CFAP91: variants seen among roughly 807,000 people sequenced by gnomAD.
CFAP91 encodes cilia and flagella associated protein 91.
Under a neutral mutation model 95.9 loss-of-function variants are expected in CFAP91, and 85 were observed. The observed-to-expected ratio is 0.89, with a 90% CI of 0.74 to 1.06. The LOEUF is 1.06. Ranked by LOEUF, CFAP91 falls within the 50% of genes least tolerant of loss-of-function variation. The pLI is 0.00. For missense variants in CFAP91, 962 were observed against 943.4 expected (o/e 1.02, Z -0.26); for synonymous variants, 335 against 327.5 (o/e 1.02, Z -0.25).
At chr3:119,722,076 T>G (rs564615626) in intron 6 of CFAP91, among the ~76,000 whole-genome samples, 19 of 151,104 alleles carry the variant, frequency 1.3e-4, no homozygotes, top group African/African-American at 4.6e-4. Context: ...AAGAAGCTGA[T>G]GCAGGATTGC....
At chr3:119,756,633 T>A (rs2054435908) in intron 17 of CFAP91, among the ~76,000 whole-genome samples, 1 of 152,146 alleles carries the variant, frequency 6.6e-6, no homozygotes, top group Non-Finnish European at 1.5e-5. Flanking sequence ...TGGATTAAAT[T>A]TTTCTAAGGC....
intron 7 of CFAP91, among the ~76,000 whole-genome samples, chr3:119,727,421 G>A (rs966025490): frequency 1.1e-4 from 17 of 152,122 alleles, no homozygotes; most frequent in African/African-American, 2.9e-4. Flanking sequence ...TTTTCAAAAG[G>A]CATTAAAACT....
chr3:119,751,002 A>G lies in CFAP91; in HGVS notation c.2209A>G (p.Met737Val), dbSNP rs142718101. ...GATCATCCACAGTTACACGGAAAGC[A>G]TGGTTCAAAAGAAATTAACTGAGGG... ...HQIIHSYTES[M>V]VQKKLTEGEQ... is the part of the protein sequence containing the mutation. The change falls in exon 17 of 18, where the codon ATG (methionine) becomes GTG (valine). Residue 737 changes from methionine (M) to valine (V), a missense_variant. Coordinates refer to ENST00000273390, the MANE Select transcript of CFAP91 (RefSeq NM_033364.4). The G allele has an allele frequency of 2.4e-5, 39 of 1,614,014 alleles. No homozygotes were observed. In the African/African-American group the frequency reaches 3.9e-4, roughly 16 times the overall value.
rs76789654 is a variant in CFAP91, at chr3:119,720,761, A to G, written c.682+5018A>G. Among the ~76,000 whole-genome samples, 1,123 of 152,310 alleles carry G rather than the reference A, an allele frequency of 7.4e-3. 7 individuals carry two copies. The highest frequency in any genetic ancestry group is 0.012 in the Non-Finnish European group (850 of 68,030). ...ATTGATTTTAGGACCCTCCAACCCT[A>G]CCAAGATTTTTGGATGCGCAAGTCT... On this transcript the variant is annotated intron_variant, in intron 6 of 17. Transcript: ENST00000273390.
chr3:119,728,395 A>G (rs1308646955), intron 7 of CFAP91, among the ~76,000 whole-genome samples: 1 of 152,204 alleles, frequency 6.6e-6, no homozygotes, highest in African/African-American at 2.4e-5. Flanking sequence ...CCTCCAGATT[A>G]TGCTGCACTC....
In CFAP91 at chr3:119,732,165, G is replaced by A. The variant is rs991191592; in HGVS notation, c.1019-129G>A. The A allele has an allele frequency of 4.2e-5, 28 of 674,122 alleles. 1 individual carries two copies. The highest frequency in any genetic ancestry group is 1.7e-4 in the East Asian group (6 of 34,510). 41.8% of individuals were successfully genotyped at this position (674,122 alleles called of 1,614,324 possible). The stretch of plus-strand genomic sequence containing the variant: ...TTTTTAATGTTACATTCTGGCTGTC[G>A]TGAGTCATCAGGAAATTCATTCATT... On this transcript the variant is annotated intron_variant, in intron 8 of 17. Coordinates refer to ENST00000273390, the MANE Select transcript of CFAP91 (RefSeq NM_033364.4).
chr3:119,731,379 A>G (rs115389182), intron 8 of CFAP91, among the ~76,000 whole-genome samples: 84 of 152,370 alleles, frequency 5.5e-4, no homozygotes, highest in African/African-American at 1.6e-3. Context: ...ATTGCTTAAA[A>G]TTATGTTTAG....
At chr3:119,703,415 G>T (rs940903874) in intron 1 of CFAP91, 193 bp downstream of exon 1, 39 of 787,768 alleles carry the variant, frequency 5.0e-5, no homozygotes, top group Non-Finnish European at 6.6e-5. Context: ...TTGGGGTCGG[G>T]GGTTCGGGTA....
chr3:119,743,838 G>C (rs1323014520), intron 13 of CFAP91, 137 bp from the exon 14 acceptor site: 6 of 776,698 alleles, frequency 7.7e-6, no homozygotes, highest in South Asian at 4.3e-5. Context: ...CAATTGAGAG[G>C]TAATATTCCC....
At chr3:119,708,277 A>C (rs2053410163) in intron 3 of CFAP91, among the ~76,000 whole-genome samples, 1 of 152,094 alleles carries the variant, frequency 6.6e-6, no homozygotes, top group Non-Finnish European at 1.5e-5. Context: ...AAAAAAAAAA[A>C]AAAAAAATTG....
intron 17 of CFAP91, among the ~76,000 whole-genome samples, chr3:119,757,523 T>TGG (rs2054456269): frequency 2.0e-5 from 3 of 152,024 alleles, no homozygotes; most frequent in Non-Finnish European, 2.9e-5. Flanking sequence ...GGTGTGTGCC[T>TGG]GTAGTCCCAG....
In CFAP91 at chr3:119,722,932, T is replaced by C. The variant is rs150385799; in HGVS notation, c.683-3239T>C. Among the ~76,000 whole-genome samples, 775 of 152,276 alleles carry C rather than the reference T, an allele frequency of 5.1e-3. 10 individuals carry two copies. The highest frequency in any genetic ancestry group is 9.2e-3 in the Non-Finnish European group (623 of 68,020). The stretch of plus-strand genomic sequence containing the variant: ...AAAGATTTGGTGAAAAGAGAGAAAA[T>C]ATTTATCAATGGGAAACTCATGCTT... On this transcript the variant is annotated intron_variant, in intron 6 of 17. Coordinates refer to ENST00000273390, the MANE Select transcript of CFAP91 (RefSeq NM_033364.4).
intron 6 of CFAP91, among the ~76,000 whole-genome samples, chr3:119,716,497 C>T (rs1385483430): frequency 2.0e-5 from 3 of 152,202 alleles, no homozygotes; most frequent in Non-Finnish European, 2.9e-5. Flanking sequence ...ATCAAGTCTG[C>T]GTCCCAGACA....
intron 6 of CFAP91, among the ~76,000 whole-genome samples, chr3:119,720,592 T>A (rs1318589165): frequency 6.6e-6 from 1 of 152,156 alleles, no homozygotes; most frequent in Non-Finnish European, 1.5e-5. Flanking sequence ...TTACCACACC[T>A]TTAAGGAACA....
chr3:119,732,696 G>A (rs150653881), intron 9 of CFAP91, among the ~76,000 whole-genome samples: 44 of 152,252 alleles, frequency 2.9e-4, no homozygotes, highest in Middle Eastern at 6.8e-3. Context: ...GCTAGTAAAT[G>A]TTAAAAAAAT....
At chr3:119,738,181 T>A (rs1029935831) in intron 11 of CFAP91, among the ~76,000 whole-genome samples, 6 of 152,000 alleles carry the variant, frequency 3.9e-5, no homozygotes, top group African/African-American at 1.4e-4. Flanking sequence ...TGAGGGCAGG[T>A]GTTGGTGGGA....
chr3:119,733,708 T>G (rs2053946230), intron 10 of CFAP91, among the ~76,000 whole-genome samples: 2 of 152,190 alleles, frequency 1.3e-5, no homozygotes, highest in Non-Finnish European at 2.9e-5. Flanking sequence ...CTTGGAGATT[T>G]TTTTCCCCAT....
chr3:119,742,956 G>T (rs1388729421), intron 13 of CFAP91, among the ~76,000 whole-genome samples: 1 of 152,154 alleles, frequency 6.6e-6, no homozygotes, highest in Non-Finnish European at 1.5e-5. Context: ...TACAAGCAAG[G>T]ATAGGAGAGG....
At chr3:119,714,011 G>T (rs1438180416) in intron 5 of CFAP91, among the ~76,000 whole-genome samples, 1 of 152,116 alleles carries the variant, frequency 6.6e-6, no homozygotes, top group East Asian at 1.9e-4. Flanking sequence ...GAACATGTTT[G>T]CATATATATC....
Sources: allele counts gnomAD v4.1 joint callset (sites outside exome capture counted in the v4.1 genomes callset), GRCh38; gene constraint gnomAD v4.1.1; transcripts MANE v1.5; gene names NCBI Gene and HGNC (gene_info 2026-07-23, HGNC 2026-07-21).